Variants in CCNY observed in about 807,000 individuals in gnomAD.
CCNY encodes the protein cyclin-Y.
A neutral mutation model predicts 42.8 loss-of-function variants in CCNY; 19 were observed. The observed-to-expected ratio is 0.44, with a 90% CI of 0.31 to 0.65. CCNY has a LOEUF of 0.65. CCNY is among the 30% of genes least tolerant of loss of function. The probability of loss-of-function intolerance (pLI) is 0.07; values close to 1 mark genes in which losing one functional copy is unlikely to be tolerated. For missense variants in CCNY, 370 were observed against 437.3 expected (o/e 0.85, Z 1.37); for synonymous variants, 165 against 162.7 (o/e 1.01, Z -0.11).
chr10:35,477,681 A>C (rs1481264722), intron 1 of CCNY, among the ~76,000 whole-genome samples: 1 of 149,998 alleles, frequency 6.7e-6, no homozygotes, highest in Non-Finnish European at 1.5e-5. Context: ...AGCCAATATC[A>C]TACTGAATGG....
chr10:35,474,283 G>A (rs1839455972), intron 1 of CCNY, among the ~76,000 whole-genome samples: 1 of 152,238 alleles, frequency 6.6e-6, no homozygotes, highest in Non-Finnish European at 1.5e-5. Flanking sequence ...CTCGAACTGG[G>A]TGGAGCCCAC....
At chr10:35,279,583 C>T (rs1835276748) in intron 3 of CCNY, among the ~76,000 whole-genome samples, 1 of 152,162 alleles carries the variant, frequency 6.6e-6, no homozygotes, top group South Asian at 2.1e-4. Context: ...AGCAAGATTC[C>T]TTCTTCTCTT....
chr10:35,442,006 AAAACGATGACATAATTTGAAAGAACTT>A (rs1411524831), intron 1 of CCNY, among the ~76,000 whole-genome samples: 1 of 152,238 alleles, frequency 6.6e-6, no homozygotes, highest in African/African-American at 2.4e-5. Flanking sequence ...AGTTTTAGTT[AAAACGATGACATAATTTGAAAGAACTT>A]AGATTCATTG....
At chr10:35,429,991 C>T (rs1482633509) in intron 1 of CCNY, among the ~76,000 whole-genome samples, 2 of 152,108 alleles carry the variant, frequency 1.3e-5, no homozygotes, top group African/African-American at 4.8e-5. Flanking sequence ...TTGCATGTCC[C>T]ATTTGTTCTG....
chr10:35,309,774 T>A (rs777076344), intron 3 of CCNY, among the ~76,000 whole-genome samples: 2 of 151,950 alleles, frequency 1.3e-5, no homozygotes, highest in Non-Finnish European at 2.9e-5. Context: ...GTTATACATA[T>A]TTCTGGAGTA....
intron 1 of CCNY, among the ~76,000 whole-genome samples, chr10:35,425,752 A>G (rs1271093122): frequency 6.6e-6 from 1 of 152,154 alleles, no homozygotes; most frequent in Non-Finnish European, 1.5e-5. Context: ...GCTATGGAGG[A>G]CTTTCTGCTT....
At chr10:35,427,046 T>C (rs1838288072) in intron 1 of CCNY, among the ~76,000 whole-genome samples, 1 of 152,236 alleles carries the variant, frequency 6.6e-6, no homozygotes, top group African/African-American at 2.4e-5. Flanking sequence ...ATTTGTGTCT[T>C]ATACAGAGGA....
At chr10:35,367,236 C>G (rs1451618865) in intron 1 of CCNY, among the ~76,000 whole-genome samples, 1 of 152,066 alleles carries the variant, frequency 6.6e-6, no homozygotes, top group Non-Finnish European at 1.5e-5. Flanking sequence ...TTATAGACTA[C>G]TTTATGACTT....
intron 3 of CCNY, among the ~76,000 whole-genome samples, chr10:35,505,899 G>C (rs1366328506): frequency 6.6e-6 from 1 of 152,172 alleles, no homozygotes; most frequent in Non-Finnish European, 1.5e-5. Flanking sequence ...TGAATCATTT[G>C]CTCCTCTTAA....
At chr10:35,566,254 A>G in intron 9 of CCNY, 69 bp downstream of exon 9, 2 of 1,440,492 alleles carry the variant, frequency 1.4e-6, no homozygotes, top group Non-Finnish European at 1.9e-6. Flanking sequence ...CCAGAGATGC[A>G]TGTGGTCACA....
chr10:35,479,765 A>AAT (rs1383587634), intron 1 of CCNY, among the ~76,000 whole-genome samples: 2 of 146,290 alleles, frequency 1.4e-5, no homozygotes, highest in Admixed American at 6.8e-5. Context: ...TAATAATAAT[A>AAT]AAAAAAAAAG....
chr10:35,329,399 A>T (rs192754245), intron 3 of CCNY, among the ~76,000 whole-genome samples: 45 of 152,194 alleles, frequency 3.0e-4, no homozygotes, highest in African/African-American at 1.1e-3. Context: ...AAAATAAAAA[A>T]TAAAAAAAAA....
chr10:35,337,627 C>T (rs2052829279), intron 1 of CCNY, among the ~76,000 whole-genome samples: 1 of 152,180 alleles, frequency 6.6e-6, no homozygotes, highest in African/African-American at 2.4e-5. Context: ...GAGTGGATTC[C>T]CATTTTGGAA....
In CCNY at chr10:35,572,139, C is replaced by T. The variant is rs1422646933; in HGVS notation, c.*2969C>T. 6.6e-6 allele frequency: 1 copy of T among 152,190 alleles called. No homozygotes were observed. The highest frequency in any genetic ancestry group is 6.5e-5 in the Admixed American group (1 of 15,274). The allele number at this position is 152,190 out of a possible 1,614,324, so 9.4% of individuals were successfully genotyped here. ...CTGGGCTGGCTTTCCTGTCTGCCTG[C>T]TCTCGGGCTTGGGCAGAGCCATCTC... On this transcript the variant is annotated 3_prime_UTR_variant, in exon 10 of 10. Coordinates refer to ENST00000374704, the MANE Select transcript of CCNY (RefSeq NM_145012.6).
At chr10:35,271,360 G>T (rs992990299) in intron 3 of CCNY, among the ~76,000 whole-genome samples, 8 of 152,140 alleles carry the variant, frequency 5.3e-5, no homozygotes, top group Non-Finnish European at 1.2e-4. Context: ...AAAAACTTCA[G>T]GGGGAGCCAT....
At chr10:35,544,229 C>T (rs77947000) in intron 7 of CCNY, among the ~76,000 whole-genome samples, 1,689 of 152,334 alleles carry the variant, frequency 0.011, 13 homozygotes, top group Non-Finnish European at 0.017. Flanking sequence ...GAACAACTTC[C>T]AGTCCTGCAG....
intron 2 of CCNY, among the ~76,000 whole-genome samples, chr10:35,491,347 G>A (rs1839890752): frequency 6.6e-6 from 1 of 152,196 alleles, no homozygotes; most frequent in African/African-American, 2.4e-5. Flanking sequence ...GGCACACAGC[G>A]AGCCCTCAGC....
Position 35,474,809 on chromosome 10 carries a change from C to T in CCNY, c.155-8595C>T, listed in dbSNP as rs555434193. On this transcript the variant is annotated intron_variant, in intron 1 of 9. Transcript: ENST00000374704. ...AAAGCTGGACGGAGAATGACTTTGA[C>T]GAGCTGAGAGAAGAAGTCTTCAGAC... Among the ~76,000 whole-genome samples the T allele has an allele frequency of 1.1e-4, 17 of 152,324 alleles. No homozygotes were observed. In the South Asian group the frequency reaches 1.9e-3, roughly 17 times the overall value.
intron 3 of CCNY, among the ~76,000 whole-genome samples, chr10:35,253,384 T>C (rs1017023455): frequency 2.3e-4 from 34 of 150,764 alleles, no homozygotes; most frequent in African/African-American, 8.0e-4. Context: ...TGTGTAGCTG[T>C]GACTACAGGC....
Sources: gnomAD v4.1 joint callset for allele counts (sites outside exome capture counted in the v4.1 genomes callset) on GRCh38, gnomAD v4.1.1 for gene constraint, MANE v1.5 for transcripts, NCBI Gene and HGNC (gene_info 2026-07-23, HGNC 2026-07-21) for gene names.